The following IFFO2 variants were observed in gnomAD, a reference collection of about 807,000 sequenced individuals.
IFFO2 encodes the protein intermediate filament family orphan 2.
Under a neutral mutation model 53.5 loss-of-function variants are expected in IFFO2, and 19 were observed. The ratio of observed to expected loss-of-function variants is 0.36; its 90% confidence interval spans 0.25 to 0.52. The LOEUF (loss-of-function observed/expected upper bound fraction) is 0.52, where lower values mean the gene tolerates loss of function less well. Among genes scored for constraint, IFFO2 ranks in the 20% least tolerant of loss-of-function variants. The pLI, the probability that IFFO2 is intolerant of heterozygous loss-of-function variation, is 0.94. For missense variants in IFFO2, 570 were observed against 727.4 expected (o/e 0.78, Z 2.49); for synonymous variants, 303 against 313.6 (o/e 0.97, Z 0.36).
chr1:18,953,933 T>G (rs1304657234), intron 1 of IFFO2, among the ~76,000 whole-genome samples: 3 of 152,160 alleles, frequency 2.0e-5, no homozygotes, highest in Non-Finnish European at 4.4e-5. Context: ...GCCTGAGGCA[T>G]GACAACACAA....
chr1:18,911,270 C>T, intron 7 of IFFO2, 114 bp downstream of exon 7: 1 of 476,018 alleles, frequency 2.1e-6, no homozygotes, highest in East Asian at 3.6e-5. Context: ...GATCCTGCGC[C>T]TGCCCCACTC....
intron 1 of IFFO2, among the ~76,000 whole-genome samples, chr1:18,948,652 G>C (rs909528139): frequency 2.0e-5 from 3 of 152,232 alleles, no homozygotes; most frequent in African/African-American, 7.2e-5. Flanking sequence ...ACCTTCAGCA[G>C]TCTCCCATCT....
At chr1:18,913,827 T>TTTG (rs938622456) in intron 5 of IFFO2, among the ~76,000 whole-genome samples, 19 of 148,074 alleles carry the variant, frequency 1.3e-4, no homozygotes, top group East Asian at 8.0e-4. Context: ...GTTGTTGTTT[T>TTTG]TTTGTTTGTT....
In IFFO2 at chr1:18,919,727, ATCT is replaced by A; in HGVS notation, c.770_772del (p.Lys257del). On this transcript the variant is annotated inframe_deletion, in exon 3 of 9. Coordinates refer to ENST00000455833, the MANE Select transcript of IFFO2 (RefSeq NM_001136265.2). The surrounding 1 kb of genome is among the most constrained non-coding windows in gnomAD (Gnocchi z 4.9). ...CACCAGCTCGGCCTTGAGCCGCTCG[ATCT>A]TCTCATTCATCTCCTCCTGGATGGC... 1 of 1,551,564 alleles carries A rather than the reference ATCT, an allele frequency of 6.4e-7. No homozygotes were observed. Among genetic ancestry groups the A allele is most frequent in the East Asian group, 2.4e-5 (1 of 40,908 alleles).
At chr1:18,949,743 G>A (rs974382495) in intron 1 of IFFO2, among the ~76,000 whole-genome samples, 4 of 152,340 alleles carry the variant, frequency 2.6e-5, no homozygotes, top group Admixed American at 6.5e-5. Flanking sequence ...AGGACTGAAC[G>A]GAGAGTCTGG....
intron 1 of IFFO2, among the ~76,000 whole-genome samples, chr1:18,942,036 G>A (rs1936528406): frequency 6.6e-6 from 1 of 152,234 alleles, no homozygotes; most frequent in South Asian, 2.1e-4. Context: ...GGCTCTACCG[G>A]GGAGAGGAAG....
Position 18,916,985 on chromosome 1 carries a change from C to T in IFFO2, c.1021G>A (p.Asp341Asn). Reference protein sequence around the residue: ...VASDDDISEQDGEVNRFSDDE... With the variant: ...VASDDDISEQNGEVNRFSDDE... Reference sequence around the variant, plus strand: ...TCCGAGAACCGGTTCACCTCCCCGTCCTGCTCAGAGATGTCATCATCGGAA... The same window carrying T: ...TCCGAGAACCGGTTCACCTCCCCGTTCTGCTCAGAGATGTCATCATCGGAA... The change falls in exon 5 of 9, where the codon GAC (aspartate) becomes AAC (asparagine). Residue 341 changes from aspartate to asparagine, a missense_variant. Coordinates refer to ENST00000455833, the MANE Select transcript of IFFO2 (RefSeq NM_001136265.2). The surrounding 1 kb of genome is among the most constrained non-coding windows in gnomAD (Gnocchi z 4.3). 1 of 1,552,242 alleles carries T rather than the reference C, an allele frequency of 6.4e-7. No homozygotes were observed. The highest frequency in any genetic ancestry group is 8.7e-7 in the Non-Finnish European group (1 of 1,147,114).
At chr1:18,935,918 A>G (rs2148181936) in intron 1 of IFFO2, among the ~76,000 whole-genome samples, 1 of 128,404 alleles carries the variant, frequency 7.8e-6, no homozygotes, top group African/African-American at 3.1e-5. Flanking sequence ...TGTTGCCCAG[A>G]TTGGTCTCAA....
At chr1:18,952,493 G>A (rs953288352) in intron 1 of IFFO2, among the ~76,000 whole-genome samples, 1 of 152,150 alleles carries the variant, frequency 6.6e-6, no homozygotes, top group Non-Finnish European at 1.5e-5. Context: ...ACACAATATG[G>A]TCTATACTAC....
chr1:18,938,186 T>G (rs926517438), intron 1 of IFFO2, among the ~76,000 whole-genome samples: 4 of 152,204 alleles, frequency 2.6e-5, no homozygotes, highest in Admixed American at 1.3e-4. Context: ...TAAAGCGACT[T>G]TACCTCTCTG....
At chr1:18,922,258 TGGA>T (rs1276582719) in intron 1 of IFFO2, among the ~76,000 whole-genome samples, 1 of 152,088 alleles carries the variant, frequency 6.6e-6, no homozygotes, top group African/African-American at 2.4e-5. Context: ...CCTCCCTCCC[TGGA>T]GGAAGCTGGG....
chr1:18,920,624 G>A (rs1472677695), intron 2 of IFFO2, among the ~76,000 whole-genome samples: 1 of 152,224 alleles, frequency 6.6e-6, no homozygotes, highest in Non-Finnish European at 1.5e-5. Flanking sequence ...CAGAGAGCCT[G>A]CTCAGGCTGG....
intron 1 of IFFO2, among the ~76,000 whole-genome samples, chr1:18,939,622 A>T (rs899292913): frequency 1.3e-5 from 2 of 152,192 alleles, no homozygotes; most frequent in Non-Finnish European, 2.9e-5. Flanking sequence ...TTGTGTCTCA[A>T]CTTGTATCTG....
chr1:18,917,981 A>G lies in IFFO2; in HGVS notation c.963+381T>C, dbSNP rs1936160075. ...CCCATAACCTGGCCAGGGTTCCCCA[A>G]CCGTGGGGATGATGCCCAGTTCTGG... is the stretch of plus-strand genomic sequence containing the variant. On this transcript the variant is annotated intron_variant, in intron 4 of 8. Coordinates refer to ENST00000455833, the MANE Select transcript of IFFO2 (RefSeq NM_001136265.2). This position sits in a 1 kb window ranked among gnomAD's most constrained non-coding sequence, Gnocchi z 5.9. 6.6e-6 allele frequency among the ~76,000 whole-genome samples: 1 copy of G among 152,238 alleles called. No homozygotes were observed. The highest frequency in any genetic ancestry group is 1.9e-4 in the East Asian group (1 of 5,174).
chr1:18,944,806 C>A (rs1936565680), intron 1 of IFFO2, among the ~76,000 whole-genome samples: 1 of 152,160 alleles, frequency 6.6e-6, no homozygotes, highest in African/African-American at 2.4e-5. Context: ...TCCCTCAGAG[C>A]CCTGCCCCAA....
Position 18,916,109 on chromosome 1 carries a change from A to T in IFFO2, c.1103+794T>A. On this transcript the variant is annotated intron_variant, in intron 5 of 8. Transcript: ENST00000455833. This position sits in a 1 kb window ranked among gnomAD's most constrained non-coding sequence, Gnocchi z 4.3. ...CGCTATACTCCAGTCTGGGTGACAG[A>T]GTGAGACTGTCTCAAAAAAAAAAAT... 6.6e-6 allele frequency among the ~76,000 whole-genome samples: 1 copy of T among 150,842 alleles called. No homozygotes were observed. Among genetic ancestry groups the T allele is most frequent in the Admixed American group, 6.6e-5 (1 of 15,138 alleles).
chr1:18,910,739 G>A (rs954999305), intron 7 of IFFO2, among the ~76,000 whole-genome samples: 5 of 152,180 alleles, frequency 3.3e-5, no homozygotes, highest in South Asian at 2.1e-4. Context: ...CACCCCACCC[G>A]GTTCTGAGAA....
At chr1:18,937,730 C>G (rs903536487) in intron 1 of IFFO2, among the ~76,000 whole-genome samples, 25 of 152,348 alleles carry the variant, frequency 1.6e-4, no homozygotes, top group African/African-American at 5.8e-4. Context: ...ATAATCATAA[C>G]AGCATTATGG....
intron 1 of IFFO2, among the ~76,000 whole-genome samples, chr1:18,946,519 A>G (rs373252163): frequency 2.7e-5 from 4 of 146,058 alleles, no homozygotes; most frequent in African/African-American, 7.7e-5. Context: ...AGTTCAAGCC[A>G]TTCTCCTGCC....
Sources: allele counts gnomAD v4.1 joint callset (sites outside exome capture counted in the v4.1 genomes callset), GRCh38; gene constraint gnomAD v4.1.1; non-coding constraint Gnocchi (gnomAD v3.1); transcripts MANE v1.5; gene names NCBI Gene and HGNC (gene_info 2026-07-23, HGNC 2026-07-21).